The following CCPG1 variants were observed in gnomAD, a reference collection of about 807,000 sequenced individuals.
CCPG1 encodes cell cycle progression protein 1.
CCPG1 carries 46 observed loss-of-function variants against 81.3 expected under a neutral mutation model. The ratio of observed to expected loss-of-function variants is 0.57; its 90% CI spans 0.45 to 0.72. The LOEUF (loss-of-function observed/expected upper bound fraction) is 0.72, where lower values mean the gene tolerates loss of function less well. Ranked by LOEUF, CCPG1 falls within the 30% of genes least tolerant of loss-of-function variation. The pLI is 0.00. For missense variants in CCPG1, 902 were observed against 937.6 expected (o/e 0.96, Z 0.50); for synonymous variants, 330 against 305.2 (o/e 1.08, Z -0.85).
chr15:55,363,135 G>C (rs1415388888), intron 7 of CCPG1, among the ~76,000 whole-genome samples: 1 of 151,972 alleles, frequency 6.6e-6, no homozygotes, highest in Non-Finnish European at 1.5e-5. Flanking sequence ...ATTACCTGAG[G>C]TCAGGAGTTC....
chr15:55,402,316 C>T (rs1194340312), intron 1 of CCPG1, among the ~76,000 whole-genome samples: 1 of 152,188 alleles, frequency 6.6e-6, no homozygotes, highest in East Asian at 1.9e-4. Flanking sequence ...TAACCTCAAA[C>T]TCCTTGGCTC....
At chr15:55,368,644 T>A (rs578261245) in intron 6 of CCPG1, among the ~76,000 whole-genome samples, 1 of 152,344 alleles carries the variant, frequency 6.6e-6, no homozygotes, top group Non-Finnish European at 1.5e-5. Flanking sequence ...TGAAACTTTT[T>A]AATAAAACTT....
At chr15:55,357,139 T>C (rs2056095824) in intron 8 of CCPG1, 29 of 973,684 alleles carry the variant, frequency 3.0e-5, no homozygotes, top group Non-Finnish European at 3.5e-5. Flanking sequence ...ACTAACCCTC[T>C]CCACTTGAAT....
At chr15:55,403,088 C>T (rs1260824591) in intron 1 of CCPG1, among the ~76,000 whole-genome samples, 1 of 152,164 alleles carries the variant, frequency 6.6e-6, no homozygotes, top group Non-Finnish European at 1.5e-5. Context: ...CATCACACTT[C>T]AAACATATAA....
intron 8 of CCPG1, chr15:55,358,021 C>T (rs956042709): frequency 2.7e-5 from 4 of 146,116 alleles, no homozygotes. Flanking sequence ...ATCAGATATA[C>T]TGTTATCCTA....
intron 6 of CCPG1, among the ~76,000 whole-genome samples, chr15:55,365,923 C>T (rs1351805481): frequency 6.6e-6 from 1 of 151,290 alleles, no homozygotes; most frequent in African/African-American, 2.4e-5. Context: ...GAAACCCTGT[C>T]TCTACTAAAA....
intron 6 of CCPG1, 119 bp from the exon 7 acceptor site, chr15:55,365,428 T>TG: frequency 1.5e-6 from 1 of 645,420 alleles, no homozygotes; most frequent in Non-Finnish European, 2.5e-6. Context: ...TGTTTTTTTT[T>TG]TTTGTTTTTT....
rs904358615 is a variant in CCPG1 at position 55,358,521 on chromosome 15, G to GT, written c.2234+1017dup. ...CTCTACCCTGCTTCCTTAAAGCAGT[G>GT]TATCTTCACATCTCCAAATGACCTT... is the stretch of plus-strand genomic sequence containing the variant. On this transcript the variant is annotated intron_variant, in intron 8 of 8. Coordinates refer to ENST00000442196, the MANE Select transcript of CCPG1 (RefSeq NM_001204450.2). 1.5e-5 allele frequency: 15 copies of GT among 985,256 alleles called. No individual in the cohort carries two copies. In the African/African-American group the frequency reaches 2.6e-4, roughly 17 times the overall value. The allele number at this position is 985,256 out of a possible 1,614,324, so 61.0% of individuals were successfully genotyped here.
In CCPG1 at chr15:55,360,814, G is replaced by C. The variant is rs762834773; in HGVS notation, c.959C>G (p.Ala320Gly). 5.0e-6 allele frequency: 8 copies of C among 1,612,128 alleles called. No individual in the cohort carries two copies. Among genetic ancestry groups the C allele is most frequent in the South Asian group, 2.2e-5 (2 of 90,522 alleles). The change falls in exon 8 of 9, where the codon GCC becomes GGC. Residue 320 changes from alanine (A) to glycine (G), a missense_variant. By Grantham distance (60) the Ala-to-Gly change is moderately conservative. Transcript: ENST00000442196. Reference sequence around the variant, plus strand: ...TAACTCTTCCTGTAATGAGGATAAGGCTTTTTCTTCCTTCTCCAAGGATAC... The same window carrying C: ...TAACTCTTCCTGTAATGAGGATAAGCCTTTTTCTTCCTTCTCCAAGGATAC... Reference protein sequence around the residue: ...LRVSLEKEEKALSSLQEELNK... With the variant: ...LRVSLEKEEKGLSSLQEELNK...
chr15:55,390,447 CCTA>C (rs35735495), intron 1 of CCPG1, among the ~76,000 whole-genome samples: 61,503 of 151,736 alleles, frequency 0.41, 13,700 homozygotes, highest in East Asian at 0.74. Flanking sequence ...AAATAGTACT[CCTA>C]CTGATTTATT....
At chr15:55,372,834 C>A in intron 5 of CCPG1, 1 of 419,222 alleles carries the variant, frequency 2.4e-6, no homozygotes, top group Non-Finnish European at 4.9e-6. Context: ...AAATAACTAC[C>A]AAAAGTTTCC....
chr15:55,402,513 G>A (rs2057146689), intron 1 of CCPG1, among the ~76,000 whole-genome samples: 1 of 152,156 alleles, frequency 6.6e-6, no homozygotes, highest in Non-Finnish European at 1.5e-5. Context: ...ACAGGCATGA[G>A]CCACCACACC....
chr15:55,379,246 G>A (rs983202093), intron 3 of CCPG1, among the ~76,000 whole-genome samples: 1 of 150,902 alleles, frequency 6.6e-6, no homozygotes, highest in Non-Finnish European at 1.5e-5. Context: ...CTCAGGCGGG[G>A]TGCAGTGACT....
intron 8 of CCPG1, chr15:55,357,198 C>T: frequency 1.1e-6 from 1 of 924,282 alleles, no homozygotes; most frequent in Non-Finnish European, 1.3e-6. Context: ...TACCCTTGCC[C>T]CAAACCTTGA....
chr15:55,367,813 T>C (rs1278560747), intron 6 of CCPG1, among the ~76,000 whole-genome samples: 1 of 152,178 alleles, frequency 6.6e-6, no homozygotes, highest in Non-Finnish European at 1.5e-5. Flanking sequence ...TTATTTTCCA[T>C]TATTCCTTCA....
At chr15:55,369,720 A>C (rs1382457384) in intron 6 of CCPG1, among the ~76,000 whole-genome samples, 1 of 152,252 alleles carries the variant, frequency 6.6e-6, no homozygotes. Flanking sequence ...TTAACTATTA[A>C]GGTAAATTTT....
chr15:55,356,321 T>A lies in CCPG1; in HGVS notation c.2323A>T (p.Lys775Ter). The A allele has an allele frequency of 6.5e-7, 1 of 1,535,792 alleles. No individual in the cohort carries two copies. The highest frequency in any genetic ancestry group is 1.2e-5 in the South Asian group (1 of 83,984). The stretch of plus-strand genomic sequence containing the variant: ...TATTTATGCCATTTACCTTCCCTTT[T>A]ATAAGGCTGTGGCTGAAGGTGCTTC... ...EQKHLQPQPY[K>*]REGKWHKYGR... The change falls in exon 9 of 9, where the codon AAA (lysine) becomes TAA (stop). Residue 775 changes from lysine (K) to a stop codon, truncating the protein, a stop_gained. Transcript: ENST00000442196. LOFTEE classifies it high-confidence loss of function.
chr15:55,400,400 T>C (rs1023318027), intron 1 of CCPG1, among the ~76,000 whole-genome samples: 12 of 150,710 alleles, frequency 8.0e-5, no homozygotes, highest in African/African-American at 2.9e-4. Flanking sequence ...CCCAGCTACT[T>C]GGGAGGCTGA....
rs1399305351 is a variant in CCPG1, at chr15:55,396,168, AAAAAG to A, written c.-9-6740_-9-6736del. Among the ~76,000 whole-genome samples the A allele has an allele frequency of 1.1e-4, 17 of 152,174 alleles. No individual in the cohort carries two copies. The South Asian group carries it at 3.1e-3, about 28-fold the overall frequency. On this transcript the variant is annotated intron_variant, in intron 1 of 8. Transcript: ENST00000442196. Reference sequence around the variant, plus strand: ...GACTCCACCTCCAAAAAAAAAAAAAAAAAAGAACTCAAAATTCTGGAGAAATCCAT... The same window carrying A: ...GACTCCACCTCCAAAAAAAAAAAAAAAACTCAAAATTCTGGAGAAATCCAT...
Sources: gnomAD v4.1 joint callset for allele counts (sites outside exome capture counted in the v4.1 genomes callset) on GRCh38, gnomAD v4.1.1 for gene constraint, MANE v1.5 for transcripts, NCBI Gene and HGNC (gene_info 2026-07-23, HGNC 2026-07-21) for gene names.